The following UGCG variants were observed in gnomAD, a reference collection of about 807,000 sequenced individuals.
The protein encoded by UGCG is UDP-glucose ceramide glucosyltransferase, also known as ceramide glucosyltransferase.
UGCG carries 10 observed loss-of-function variants against 49.5 expected under a neutral mutation model. The observed-to-expected ratio is 0.20, with a 90% CI of 0.12 to 0.34. UGCG has a LOEUF of 0.34. Among genes scored for constraint, UGCG ranks in the 10% least tolerant of loss-of-function variants. The probability of loss-of-function intolerance (pLI) is 1.00; values close to 1 mark genes in which losing one functional copy is unlikely to be tolerated. For missense variants in UGCG, 312 were observed against 483.7 expected (o/e 0.65, Z 3.33); for synonymous variants, 182 against 158.2 (o/e 1.15, Z -1.13).
intron 1 of UGCG, among the ~76,000 whole-genome samples, chr9:111,912,081 T>C (rs959114880): frequency 6.9e-6 from 1 of 143,954 alleles, no homozygotes; most frequent in Admixed American, 6.9e-5. Context: ...TTGTGTAATA[T>C]AAACTTTTTT....
At chr9:111,909,352 C>CT (rs1309503512) in intron 1 of UGCG, among the ~76,000 whole-genome samples, 3 of 152,120 alleles carry the variant, frequency 2.0e-5, no homozygotes, top group African/African-American at 7.2e-5. Flanking sequence ...GATTTTAGAG[C>CT]TTTTTATTCT....
intron 5 of UGCG, chr9:111,929,166 A>G (rs2118596995): frequency 4.6e-6 from 1 of 218,500 alleles, no homozygotes; most frequent in South Asian, 7.1e-5. Flanking sequence ...ATGTATATTG[A>G]TCCCAGTAAA....
chr9:111,931,211 C>T, intron 6 of UGCG, 60 bp from the exon 7 acceptor site: 1 of 1,508,852 alleles, frequency 6.6e-7, no homozygotes, highest in South Asian at 1.2e-5. Flanking sequence ...GAATGCATAA[C>T]CAGTTACGCT....
chr9:111,900,310 A>T (rs1446917320), intron 1 of UGCG, among the ~76,000 whole-genome samples: 1 of 152,054 alleles, frequency 6.6e-6, no homozygotes, highest in Admixed American at 6.6e-5. Context: ...CATCCACCTC[A>T]TATTATTATT....
At position 111,897,124 on chromosome 9, in the gene UGCG, C is replaced by T. The variant is rs940903648; in HGVS notation, c.-92C>T. Reference sequence around the variant, plus strand: ...CCACCTTCCTCTCGCCTCCCGCGCCCCCGCACCGGGCGCCCACCCTGTCCT... The same window carrying T: ...CCACCTTCCTCTCGCCTCCCGCGCCTCCGCACCGGGCGCCCACCCTGTCCT... On this transcript the variant is annotated 5_prime_UTR_variant, in exon 1 of 9. Coordinates refer to ENST00000374279, the MANE Select transcript of UGCG (RefSeq NM_003358.3). 1 of 1,134,672 alleles carries T rather than the reference C, an allele frequency of 8.8e-7. No homozygotes were observed. The highest frequency in any genetic ancestry group is 1.2e-6 in the Non-Finnish European group (1 of 815,680). The allele number at this position is 1,134,672 out of a possible 1,614,324, so 70.3% of individuals were successfully genotyped here.
intron 2 of UGCG, among the ~76,000 whole-genome samples, chr9:111,917,446 T>G (rs1465623811): frequency 6.6e-6 from 1 of 152,190 alleles, no homozygotes; most frequent in African/African-American, 2.4e-5. Flanking sequence ...AAATAAACAT[T>G]TACGTGACTG....
At chr9:111,904,306 A>G (rs556772601) in intron 1 of UGCG, among the ~76,000 whole-genome samples, 1 of 152,218 alleles carries the variant, frequency 6.6e-6, no homozygotes, top group African/African-American at 2.4e-5. Flanking sequence ...ATACTACTAC[A>G]CATTGGTAGT....
intron 1 of UGCG, among the ~76,000 whole-genome samples, chr9:111,910,142 C>A (rs1837969215): frequency 6.6e-6 from 1 of 152,138 alleles, no homozygotes; most frequent in African/African-American, 2.4e-5. Flanking sequence ...AGTAAAACAT[C>A]TTGGGAGAAG....
chr9:111,902,625 GAGCA>G (rs1837797797), intron 1 of UGCG, among the ~76,000 whole-genome samples: 1 of 152,194 alleles, frequency 6.6e-6, no homozygotes, highest in South Asian at 2.1e-4. Context: ...TTGTGACTTG[GAGCA>G]GGGAAGATAA....
rs557491970 is a variant in UGCG, at chr9:111,912,073, G to A, written c.99-2532G>A. 8.9e-5 allele frequency among the ~76,000 whole-genome samples: 11 copies of A among 123,504 alleles called. No homozygotes were observed. The South Asian group carries it at 2.0e-3, about 23-fold the overall frequency. 81.0% of individuals were successfully genotyped at this position (123,504 alleles called of 152,430 possible). A position where few individuals can be genotyped will look rare whatever the true frequency, so the allele number is the denominator to read the frequency against. On this transcript the variant is annotated intron_variant, in intron 1 of 8. Coordinates refer to ENST00000374279, the MANE Select transcript of UGCG (RefSeq NM_003358.3). Reference sequence around the variant, plus strand: ...ATATATCCTGTTGAATCAATTAATTGTGTAATATAAACTTTTTTCCCCAGC... The same window carrying A: ...ATATATCCTGTTGAATCAATTAATTATGTAATATAAACTTTTTTCCCCAGC...
intron 1 of UGCG, among the ~76,000 whole-genome samples, chr9:111,911,659 A>T (rs1837996854): frequency 6.6e-6 from 1 of 151,832 alleles, no homozygotes; most frequent in African/African-American, 2.4e-5. Flanking sequence ...GCACTTTGAG[A>T]AGCCAAGGCA....
intron 1 of UGCG, among the ~76,000 whole-genome samples, chr9:111,912,529 G>T (rs886107483): frequency 9.2e-5 from 14 of 151,604 alleles, no homozygotes; most frequent in Non-Finnish European, 7.4e-5. Flanking sequence ...CAGTAGCTGA[G>T]ATCGCACCAC....
In UGCG at chr9:111,917,085, C is replaced by G. The variant is rs796315126; in HGVS notation, c.240+2339C>G. Among the ~76,000 whole-genome samples, 18 of 152,138 alleles carry G rather than the reference C, an allele frequency of 1.2e-4. 1 individual carries two copies. The highest frequency in any genetic ancestry group is 4.1e-4 in the African/African-American group (17 of 41,546). On this transcript the variant is annotated intron_variant, in intron 2 of 8. Coordinates refer to ENST00000374279, the MANE Select transcript of UGCG (RefSeq NM_003358.3). ...TTCACTTAGAGTAGTAGCTCTTTTT[C>G]CATTTAGTTATATCATTTAAGTGGG...
Position 111,922,835 on chromosome 9 carries a change from T to C in UGCG, c.241-14T>C, listed in dbSNP as rs771245507. ...TTTAAAGAATTTAATTTACATACAA[T>C]GCTTTTTGACTAGTATGAAGTGCTC... On this transcript the variant is annotated splice_polypyrimidine_tract_variant and intron_variant, in intron 2 of 8. Transcript: ENST00000374279. 6.4e-7 allele frequency: 1 copy of C among 1,568,938 alleles called. No individual in the cohort carries two copies. Among genetic ancestry groups the C allele is most frequent in the East Asian group, 2.3e-5 (1 of 44,138 alleles).
At chr9:111,931,175 G>T (rs1442437021) in intron 6 of UGCG, 96 bp from the exon 7 acceptor site, 27 of 1,205,166 alleles carry the variant, frequency 2.2e-5, no homozygotes, top group Middle Eastern at 4.7e-4. Flanking sequence ...AATACCGGCA[G>T]TTGCCTGGTC....
chr9:111,922,818 A>T (rs777991207), intron 2 of UGCG, 31 bp from the exon 3 acceptor site: 6 of 1,528,966 alleles, frequency 3.9e-6, no homozygotes, highest in Non-Finnish European at 3.6e-6. Context: ...TTTTTAAAGA[A>T]TTTAATTTAC....
At chr9:111,924,648 G>A (rs868781084) in intron 3 of UGCG, 129 bp from the exon 4 acceptor site, 4 of 348,752 alleles carry the variant, frequency 1.1e-5, no homozygotes, top group African/African-American at 1.0e-4. Flanking sequence ...AATAGAGAAT[G>A]TTAAATAATA....
intron 1 of UGCG, among the ~76,000 whole-genome samples, chr9:111,906,070 A>G (rs1450000972): frequency 6.6e-6 from 1 of 152,154 alleles, no homozygotes; most frequent in Non-Finnish European, 1.5e-5. Context: ...GCTTGTGAAA[A>G]ATGCAGATTC....
At chr9:111,927,521 G>T (rs964627279) in intron 5 of UGCG, among the ~76,000 whole-genome samples, 8 of 151,398 alleles carry the variant, frequency 5.3e-5, no homozygotes, top group African/African-American at 9.7e-5. Flanking sequence ...GCGCGATCTC[G>T]GCTCACTGCA....
Sources: allele counts gnomAD v4.1 joint callset (sites outside exome capture counted in the v4.1 genomes callset), GRCh38; gene constraint gnomAD v4.1.1; transcripts MANE v1.5; gene names NCBI Gene and HGNC (gene_info 2026-07-23, HGNC 2026-07-21).